The following BCL11A variants were observed in gnomAD, a reference collection of about 807,000 sequenced individuals.
The protein encoded by BCL11A is BCL11 transcription factor A.
A neutral mutation model predicts 55.9 loss-of-function variants in BCL11A; 2 were observed. The observed-to-expected ratio is 0.04, with a 90% CI of 0.01 to 0.11. BCL11A has a LOEUF of 0.11. BCL11A is among the 10% of genes least tolerant of loss of function. The pLI is 1.00. For synonymous variants in BCL11A, 465 were observed against 473.4 expected, an observed-to-expected ratio of 0.98 and a Z score of 0.23; for missense variants, 817 against 1,137.1, an observed-to-expected ratio of 0.72 and a Z score of 4.05.
intron 2 of BCL11A, among the ~76,000 whole-genome samples, chr2:60,488,608 T>A (rs542893217): frequency 1.3e-5 from 2 of 152,358 alleles, no homozygotes; most frequent in African/African-American, 4.8e-5. Flanking sequence ...AAATACTTAC[T>A]GTACTGCAGG....
chr2:60,547,081 T>A (rs1178889903), intron 1 of BCL11A, among the ~76,000 whole-genome samples: 2 of 152,224 alleles, frequency 1.3e-5, no homozygotes, highest in African/African-American at 4.8e-5. Context: ...TTTGAGTACT[T>A]AAGAAAATAA....
intron 2 of BCL11A, among the ~76,000 whole-genome samples, chr2:60,516,628 G>A (rs1209432115): frequency 6.6e-6 from 1 of 152,198 alleles, no homozygotes; most frequent in Non-Finnish European, 1.5e-5. Flanking sequence ...GACAGAGAGG[G>A]GCACCTGGGA....
At chr2:60,530,667 C>T (rs72964430) in intron 2 of BCL11A, among the ~76,000 whole-genome samples, 1 of 145,138 alleles carries the variant, frequency 6.9e-6, no homozygotes, top group Non-Finnish European at 1.5e-5. Context: ...GTACAGTCAG[C>T]AGGTATTTAA....
At chr2:60,465,858 AC>A (rs1250719482) in intron 3 of BCL11A, among the ~76,000 whole-genome samples, 2 of 152,166 alleles carry the variant, frequency 1.3e-5, no homozygotes, top group African/African-American at 4.8e-5. Context: ...CACATTACAC[AC>A]CCCGAACGGC....
intron 2 of BCL11A, among the ~76,000 whole-genome samples, chr2:60,532,216 T>C (rs994039294): frequency 6.6e-6 from 1 of 152,152 alleles, no homozygotes; most frequent in African/African-American, 2.4e-5. Flanking sequence ...CTCTGCTAAT[T>C]ATTTCCCTCA....
intron 2 of BCL11A, chr2:60,526,563 C>A (rs1396731332): frequency 6.6e-6 from 1 of 152,166 alleles, no homozygotes; most frequent in Non-Finnish European, 1.5e-5. Context: ...GCATCAGGGA[C>A]AAATGAGCTC....
intron 2 of BCL11A, among the ~76,000 whole-genome samples, chr2:60,490,697 A>G (rs572342071): frequency 3.3e-5 from 5 of 152,284 alleles, no homozygotes; most frequent in South Asian, 2.1e-4. Context: ...TGTGTTCCCA[A>G]TGAGTTTCTT....
intron 2 of BCL11A, among the ~76,000 whole-genome samples, chr2:60,507,122 TA>T (rs897336888): frequency 6.6e-6 from 1 of 151,082 alleles, no homozygotes; most frequent in Non-Finnish European, 1.5e-5. Context: ...CAAGCACTAT[TA>T]AAAAAACATA....
At chr2:60,469,367 T>A (rs1319878983) in intron 2 of BCL11A, among the ~76,000 whole-genome samples, 2 of 152,228 alleles carry the variant, frequency 1.3e-5, no homozygotes, top group Non-Finnish European at 2.9e-5. Flanking sequence ...CTTCCCATGC[T>A]ATATTTATGA....
At position 60,460,712 on chromosome 2, in the gene BCL11A, T is replaced by A; in HGVS notation, c.2200A>T (p.Ser734Cys). Residue 734 changes from serine (S) to cysteine (C), a missense_variant, in exon 4 of 4, where the codon AGC becomes TGC. By Grantham distance (112) the Ser-to-Cys change is moderately radical. Coordinates refer to ENST00000642384, the MANE Select transcript of BCL11A (RefSeq NM_022893.4). ...HISGPGPGRPSSKEGRRSDTC... is the reference protein window; with the variant it reads ...HISGPGPGRPCSKEGRRSDTC... ...TCGCTGCGTCTGCCCTCTTTTGAGC[T>A]GGGCCTGCCCGGGCCCGGACCACTA... 1 of 1,614,206 alleles carries A rather than the reference T, an allele frequency of 6.2e-7. No individual in the cohort carries two copies. The highest frequency in any genetic ancestry group is 8.5e-7 in the Non-Finnish European group (1 of 1,180,040).
chr2:60,467,366 GTGGTGATGA>G (rs1259242613), intron 3 of BCL11A, among the ~76,000 whole-genome samples: 4 of 59,802 alleles, frequency 6.7e-5, no homozygotes, highest in South Asian at 7.1e-4. Context: ...GGTGGTGATG[GTGGTGATGA>G]TGGTGATGGT....
chr2:60,529,901 C>A (rs1484834733), intron 2 of BCL11A, among the ~76,000 whole-genome samples: 1 of 152,190 alleles, frequency 6.6e-6, no homozygotes, highest in Non-Finnish European at 1.5e-5. Flanking sequence ...CCAGCTTTAG[C>A]CCCAGCAGCT....
intron 2 of BCL11A, among the ~76,000 whole-genome samples, chr2:60,504,375 G>C (rs112572041): frequency 2.6e-5 from 4 of 152,286 alleles, no homozygotes; most frequent in African/African-American, 9.6e-5. Context: ...AAAGGCAGAG[G>C]AGGCCACCTA....
intron 2 of BCL11A, among the ~76,000 whole-genome samples, chr2:60,509,532 C>G (rs1679859997): frequency 1.3e-5 from 2 of 152,204 alleles, no homozygotes; most frequent in African/African-American, 4.8e-5. Flanking sequence ...CACCAATTAA[C>G]AGCAGCTCGA....
At chr2:60,452,456 G>T, downstream of BCL11A, 1 of 833,856 alleles carries the variant, frequency 1.2e-6, no homozygotes, top group Non-Finnish European at 2.0e-6. Context: ...CTCTGTCTTC[G>T]CACAACGGCT....
intron 2 of BCL11A, among the ~76,000 whole-genome samples, chr2:60,501,332 A>C (rs370974858): frequency 1.6e-4 from 24 of 152,250 alleles, no homozygotes; most frequent in Admixed American, 5.2e-4. Flanking sequence ...TTTAATATCT[A>C]TAAGAGCACA....
intron 2 of BCL11A, chr2:60,537,154 T>G (rs777849099): frequency 6.8e-6 from 1 of 147,760 alleles, no homozygotes; most frequent in Non-Finnish European, 1.5e-5. Flanking sequence ...AATTAAATTT[T>G]TCCTTATTGA....
intron 2 of BCL11A, among the ~76,000 whole-genome samples, chr2:60,477,351 T>C (rs1429863233): frequency 6.6e-6 from 1 of 152,214 alleles, no homozygotes; most frequent in African/African-American, 2.4e-5. Flanking sequence ...CCCAAGCCTT[T>C]TTATCTGCAT....
chr2:60,523,524 C>T (rs556749885), intron 2 of BCL11A, among the ~76,000 whole-genome samples: 3 of 152,142 alleles, frequency 2.0e-5, no homozygotes, highest in African/African-American at 7.2e-5. Flanking sequence ...CACAGGCACA[C>T]AACTATATAT....
Sources: gnomAD v4.1 joint callset for allele counts (sites outside exome capture counted in the v4.1 genomes callset) on GRCh38, gnomAD v4.1.1 for gene constraint, MANE v1.5 for transcripts, NCBI Gene and HGNC (gene_info 2026-07-23, HGNC 2026-07-21) for gene names.